Variants in PTPRT observed in about 807,000 individuals in gnomAD.
PTPRT encodes protein tyrosine phosphatase receptor type T, also known as receptor-type tyrosine-protein phosphatase T.
In PTPRT, 56 loss-of-function variants were observed where a neutral mutation model predicts 176.8. The ratio of observed to expected loss-of-function variants is 0.32; its 90% CI spans 0.26 to 0.40. PTPRT has a LOEUF of 0.40. Among genes scored for constraint, PTPRT ranks in the 10% least tolerant of loss-of-function variants. The probability of loss-of-function intolerance (pLI) is 1.00; values close to 1 mark genes in which losing one functional copy is unlikely to be tolerated. For missense variants in PTPRT, 1,540 were observed against 1,908.2 expected (o/e 0.81, Z 3.60); for synonymous variants, 783 against 739.0 (o/e 1.06, Z -0.96).
rs150345849 is a variant in PTPRT, at chr20:42,755,672, T to C, written c.859+790A>G. Among the ~76,000 whole-genome samples the C allele has an allele frequency of 2.8e-4, 43 of 152,046 alleles. No individual in the cohort carries two copies. In the East Asian group the frequency reaches 7.5e-3, roughly 27 times the overall value. On this transcript the variant is annotated intron_variant, in intron 6 of 30. Transcript: ENST00000373187. ...AACTCTACCCCCAGGGAATTTATCC[T>C]AAGGAAATAATCTGGTTCAATAGAA...
intron 7 of PTPRT, among the ~76,000 whole-genome samples, chr20:42,491,203 G>C (rs150600250): frequency 5.7e-4 from 86 of 152,084 alleles, no homozygotes; most frequent in African/African-American, 2.0e-3. Context: ...GCATGAAATG[G>C]GCCTGTATTT....
chr20:42,659,778 A>C (rs140936629), intron 7 of PTPRT, among the ~76,000 whole-genome samples: 1 of 152,320 alleles, frequency 6.6e-6, no homozygotes, highest in East Asian at 1.9e-4. Flanking sequence ...GGTCAAGTTT[A>C]AATGGATTCG....
intron 1 of PTPRT, among the ~76,000 whole-genome samples, chr20:42,939,668 C>T (rs1980419870): frequency 6.6e-6 from 1 of 151,920 alleles, no homozygotes; most frequent in Non-Finnish European, 1.5e-5. Context: ...GGGGCCATGG[C>T]AGTGACTCAA....
intron 9 of PTPRT, among the ~76,000 whole-genome samples, chr20:42,363,406 G>A (rs1454830143): frequency 2.8e-5 from 4 of 142,642 alleles, no homozygotes; most frequent in Non-Finnish European, 4.5e-5. Context: ...CGCCTCCCGG[G>A]TACAAGCAAT....
intron 1 of PTPRT, among the ~76,000 whole-genome samples, chr20:42,935,810 C>T (rs1019796006): frequency 2.0e-5 from 3 of 152,276 alleles, no homozygotes; most frequent in South Asian, 2.1e-4. Context: ...AATGCAATGG[C>T]GCGATCTTGG....
At chr20:43,181,591 C>T (rs570477273) in intron 1 of PTPRT, among the ~76,000 whole-genome samples, 3 of 152,204 alleles carry the variant, frequency 2.0e-5, no homozygotes, top group South Asian at 4.2e-4. Flanking sequence ...AATGAGTTAT[C>T]CTATTCAAAC....
chr20:42,419,052 C>G (rs1445590184), intron 9 of PTPRT, among the ~76,000 whole-genome samples: 2 of 152,154 alleles, frequency 1.3e-5, no homozygotes, highest in Non-Finnish European at 2.9e-5. Context: ...AATGAACTAG[C>G]AAATGAATGA....
At chr20:42,473,691 T>C (rs1337361726) in intron 7 of PTPRT, among the ~76,000 whole-genome samples, 1 of 152,136 alleles carries the variant, frequency 6.6e-6, no homozygotes, top group Non-Finnish European at 1.5e-5. Flanking sequence ...CCCAGGCTGG[T>C]CTCAAACTCC....
chr20:42,713,427 G>A (rs1182043838), intron 6 of PTPRT, among the ~76,000 whole-genome samples: 1 of 151,998 alleles, frequency 6.6e-6, no homozygotes, highest in East Asian at 1.9e-4. Flanking sequence ...CTTCCTCCTG[G>A]AGCCCACTAC....
At chr20:42,814,633 A>G (rs1487968069) in intron 2 of PTPRT, among the ~76,000 whole-genome samples, 1 of 152,222 alleles carries the variant, frequency 6.6e-6, no homozygotes, top group Non-Finnish European at 1.5e-5. Context: ...TTTATAAAGG[A>G]AGCAAATGTC....
At chr20:42,718,536 T>TA (rs968115575) in intron 6 of PTPRT, among the ~76,000 whole-genome samples, 188 of 151,828 alleles carry the variant, frequency 1.2e-3, no homozygotes, top group African/African-American at 4.4e-3. Flanking sequence ...GACTCTGCCT[T>TA]AAAAAAAATA....
intron 1 of PTPRT, among the ~76,000 whole-genome samples, chr20:43,045,331 C>A (rs1986788149): frequency 6.6e-6 from 1 of 152,170 alleles, no homozygotes; most frequent in East Asian, 1.9e-4. Context: ...ATGGGCGGAT[C>A]AGATACAATA....
chr20:42,663,465 G>A (rs533074391), intron 7 of PTPRT, among the ~76,000 whole-genome samples: 24 of 152,274 alleles, frequency 1.6e-4, no homozygotes, highest in East Asian at 3.9e-4. Flanking sequence ...ATGTGGCTTC[G>A]GCAGGGTGGT....
chr20:42,367,942 G>A (rs540195117), intron 9 of PTPRT, among the ~76,000 whole-genome samples: 1 of 152,178 alleles, frequency 6.6e-6, no homozygotes, highest in Admixed American at 6.5e-5. Context: ...TCTTCATCCT[G>A]AAAGGTAACA....
At chr20:42,448,511 C>T (rs2070771753) in intron 8 of PTPRT, among the ~76,000 whole-genome samples, 182 bp from the exon 9 acceptor site, 1 of 152,138 alleles carries the variant, frequency 6.6e-6, no homozygotes, top group Non-Finnish European at 1.5e-5. Flanking sequence ...ACAAAAATGA[C>T]TATAGATAAT....
intron 7 of PTPRT, among the ~76,000 whole-genome samples, chr20:42,667,197 A>G (rs972064992): frequency 6.6e-6 from 1 of 152,182 alleles, no homozygotes; most frequent in East Asian, 1.9e-4. Flanking sequence ...ATTGATAATG[A>G]TTCTGGATTT....
intron 1 of PTPRT, among the ~76,000 whole-genome samples, chr20:43,061,534 G>C (rs1439542381): frequency 6.6e-6 from 1 of 152,194 alleles, no homozygotes; most frequent in Non-Finnish European, 1.5e-5. Flanking sequence ...TGTCCTCAAC[G>C]AATGGGCTCT....
intron 11 of PTPRT, among the ~76,000 whole-genome samples, chr20:42,318,779 T>C (rs1011479831): frequency 6.6e-6 from 1 of 152,110 alleles, no homozygotes; most frequent in Non-Finnish European, 1.5e-5. Context: ...CAGACAGACT[T>C]CCCATTCTAC....
At chr20:42,370,070 C>T (rs1157979644) in intron 9 of PTPRT, among the ~76,000 whole-genome samples, 1 of 152,186 alleles carries the variant, frequency 6.6e-6, no homozygotes, top group Non-Finnish European at 1.5e-5. Context: ...AATCCTGTAA[C>T]CCGTGTGTTA....
Sources: gnomAD v4.1 joint callset for allele counts (sites outside exome capture counted in the v4.1 genomes callset) on GRCh38, gnomAD v4.1.1 for gene constraint, MANE v1.5 for transcripts, NCBI Gene and HGNC (gene_info 2026-07-23, HGNC 2026-07-21) for gene names.